PCDH15: variants seen among roughly 807,000 people sequenced by gnomAD.
PCDH15 encodes the protein protocadherin related 15.
PCDH15 carries 129 observed loss-of-function variants against 178.5 expected under a neutral mutation model. The observed-to-expected ratio is 0.72, with a 90% CI of 0.63 to 0.84. The LOEUF (loss-of-function observed/expected upper bound fraction) is 0.84, where lower values mean the gene tolerates loss of function less well. PCDH15 is among the 40% of genes least tolerant of loss of function. PCDH15 has a pLI of 0.00. For synonymous variants in PCDH15, 800 were observed against 732.0 expected (o/e 1.09, Z -1.50); for missense variants, 2,230 against 2,099.9 (o/e 1.06, Z -1.21).
chr10:54,009,187 T>C (rs1303243292), intron 20 of PCDH15, among the ~76,000 whole-genome samples: 1 of 152,096 alleles, frequency 6.6e-6, no homozygotes, highest in Non-Finnish European at 1.5e-5. Flanking sequence ...GAGTTCCTAT[T>C]TCCAAAGAAA....
chr10:55,296,572 C>T (rs957835731), intron 1 of PCDH15, among the ~76,000 whole-genome samples: 7 of 152,124 alleles, frequency 4.6e-5, no homozygotes, highest in African/African-American at 1.7e-4. Context: ...CCCATTACTC[C>T]TATTATTCAG....
intron 1 of PCDH15, among the ~76,000 whole-genome samples, chr10:54,788,306 G>A (rs1163804123): frequency 1.3e-5 from 2 of 151,816 alleles, no homozygotes; most frequent in Non-Finnish European, 2.9e-5. Context: ...AGCAGGGATG[G>A]AGAAGAGATC....
intron 25 of PCDH15, among the ~76,000 whole-genome samples, chr10:53,907,824 T>C (rs796280400): frequency 4.6e-5 from 7 of 152,330 alleles, no homozygotes; most frequent in African/African-American, 1.7e-4. Flanking sequence ...TTTTAGACAT[T>C]TAAACATGGT....
intron 11 of PCDH15, among the ~76,000 whole-genome samples, chr10:54,190,177 C>T (rs10825265): frequency 2.0e-5 from 3 of 151,840 alleles, no homozygotes; most frequent in South Asian, 2.1e-4. Context: ...TTAAATTTTA[C>T]GCAAATGGAT....
chr10:55,285,882 C>G (rs772322696), intron 1 of PCDH15, among the ~76,000 whole-genome samples: 5 of 151,958 alleles, frequency 3.3e-5, no homozygotes, highest in Non-Finnish European at 7.4e-5. Flanking sequence ...CTGTGCCAAG[C>G]AGCTTCATTT....
intron 2 of PCDH15, among the ~76,000 whole-genome samples, chr10:54,956,780 A>G (rs1838500051): frequency 1.3e-5 from 2 of 151,716 alleles, no homozygotes; most frequent in African/African-American, 4.8e-5. Flanking sequence ...GGACAAAAAT[A>G]GTTGACATTG....
intron 2 of PCDH15, among the ~76,000 whole-genome samples, chr10:55,402,779 A>G (rs1838102555): frequency 6.6e-6 from 1 of 151,992 alleles, no homozygotes; most frequent in South Asian, 2.1e-4. Flanking sequence ...TGCTGTAAAA[A>G]ATATGGGGGT....
chr10:55,516,155 T>C (rs764227200), intron 2 of PCDH15, among the ~76,000 whole-genome samples: 30 of 152,110 alleles, frequency 2.0e-4, no homozygotes, highest in Non-Finnish European at 3.5e-4. Context: ...CTATGTCTTA[T>C]GGGAGGGACC....
intron 3 of PCDH15, among the ~76,000 whole-genome samples, chr10:54,887,657 T>A (rs1186953691): frequency 6.6e-6 from 1 of 152,076 alleles, no homozygotes; most frequent in Non-Finnish European, 1.5e-5. Flanking sequence ...AGAAATGCAT[T>A]TTTTTGAAAA....
At chr10:55,455,520 T>A (rs1839531219) in intron 2 of PCDH15, among the ~76,000 whole-genome samples, 1 of 152,152 alleles carries the variant, frequency 6.6e-6, no homozygotes, top group African/African-American at 2.4e-5. Flanking sequence ...ACAATTCTAA[T>A]ATTTAAAAAT....
At chr10:54,525,449 ATTTCTTTTC>A (rs1428875925) in intron 3 of PCDH15, among the ~76,000 whole-genome samples, 2 of 152,102 alleles carry the variant, frequency 1.3e-5, no homozygotes, top group African/African-American at 2.4e-5. Context: ...AAAAATAAGT[ATTTCTTTTC>A]TTTCTTTTTT....
chr10:54,876,241 C>G lies in PCDH15; in HGVS notation c.-29+21209G>C, dbSNP rs184564315. 1.1e-4 allele frequency among the ~76,000 whole-genome samples: 17 copies of G among 152,122 alleles called. No homozygotes were observed. In the East Asian group the frequency reaches 2.5e-3, roughly 22 times the overall value. Reference sequence around the variant, plus strand: ...CAGCCCACTATTGAGATCTACTTCACAGAAAAAAAAATTTTTAATATTCCT... The same window carrying G: ...CAGCCCACTATTGAGATCTACTTCAGAGAAAAAAAAATTTTTAATATTCCT... On this transcript the variant is annotated intron_variant, in intron 3 of 5. Coordinates refer to the PCDH15 transcript ENST00000458638.
chr10:54,168,013 C>T (rs1482038046), intron 13 of PCDH15, among the ~76,000 whole-genome samples: 1 of 150,890 alleles, frequency 6.6e-6, no homozygotes, highest in Non-Finnish European at 1.5e-5. Context: ...TGACTATAGG[C>T]AACCTTCCAC....
At chr10:54,755,744 T>C (rs1182424629) in intron 1 of PCDH15, among the ~76,000 whole-genome samples, 1 of 152,150 alleles carries the variant, frequency 6.6e-6, no homozygotes, top group Non-Finnish European at 1.5e-5. Context: ...TTACATAATC[T>C]ACTGTATAAG....
chr10:54,199,535 A>T (rs1478756185), intron 10 of PCDH15, among the ~76,000 whole-genome samples: 1 of 148,950 alleles, frequency 6.7e-6, no homozygotes, highest in Non-Finnish European at 1.5e-5. Context: ...CTGTTAAGTA[A>T]GAGTTAAAAT....
chr10:55,412,675 C>G (rs958200844), intron 2 of PCDH15, among the ~76,000 whole-genome samples: 2 of 151,702 alleles, frequency 1.3e-5, no homozygotes, highest in African/African-American at 4.8e-5. Context: ...GAGGTTAACA[C>G]AAAACTCTAA....
At chr10:54,307,354 G>A (rs1394702621) in intron 8 of PCDH15, among the ~76,000 whole-genome samples, 1 of 150,850 alleles carries the variant, frequency 6.6e-6, no homozygotes, top group Non-Finnish European at 1.5e-5. Context: ...ACATTAGTGT[G>A]TGGAAAAACA....
Position 54,132,953 on chromosome 10 carries a change from A to C in PCDH15, c.1839T>G (p.Pro613=). The C allele has an allele frequency of 6.2e-7, 1 of 1,614,106 alleles. No homozygotes were observed. The highest frequency in any genetic ancestry group is 8.5e-7 in the Non-Finnish European group (1 of 1,180,000). The change falls in exon 15 of 38, where the codon CCT becomes CCG. Residue 613 remains proline, a synonymous_variant. Transcript: ENST00000644397. ...IEVLPPNNQS[P]PRFPQLMYSL... ...TATACATCAGCTGTGGGAAGCGAGG[A>C]GGGCTTTGATTATTTGGTGGAAGCA...
chr10:54,071,895 A>T (rs1344442135), intron 17 of PCDH15, among the ~76,000 whole-genome samples: 1 of 152,156 alleles, frequency 6.6e-6, no homozygotes, highest in Non-Finnish European at 1.5e-5. Context: ...TAATAAAGAC[A>T]TTATTTTATT....
Sources: gnomAD v4.1 joint callset for allele counts (sites outside exome capture counted in the v4.1 genomes callset) on GRCh38, gnomAD v4.1.1 for gene constraint, MANE v1.5 for transcripts, NCBI Gene and HGNC (gene_info 2026-07-23, HGNC 2026-07-21) for gene names.